Variants in LYPLAL1 observed in about 807,000 individuals in gnomAD.
LYPLAL1 encodes lysophospholipase like 1, also known as lysophospholipase-like protein 1.
Under a neutral mutation model 19.7 loss-of-function variants are expected in LYPLAL1, and 23 were observed. That is an observed-to-expected ratio of 1.17 (90% CI 0.84 to 1.65). LYPLAL1 has a LOEUF of 1.65. LYPLAL1 is among the 40% of genes most tolerant of loss of function. The pLI is 0.00. For synonymous variants in LYPLAL1, 119 were observed against 96.3 expected, an observed-to-expected ratio of 1.24 and a Z score of -1.38; for missense variants, 355 against 279.4, an observed-to-expected ratio of 1.27 and a Z score of -1.93.
chr1:219,223,170 G>A, the LYPLAL1 span: 10 of 151,718 alleles, frequency 6.6e-5, no homozygotes, highest in African/African-American at 2.2e-4. Flanking sequence ...AGGCTGAGGT[G>A]GACCAAGCTT....
chr1:219,355,196 G>A, the LYPLAL1 span, among the ~76,000 whole-genome samples: 9 of 152,138 alleles, frequency 5.9e-5, no homozygotes, highest in Non-Finnish European at 1.0e-4. Context: ...TATGGCCTGC[G>A]TAACTAAGGA....
intron 1 of LYPLAL1, among the ~76,000 whole-genome samples, chr1:219,176,481 T>C (rs1322018130): frequency 4.6e-5 from 7 of 152,228 alleles, no homozygotes; most frequent in Non-Finnish European, 1.5e-5. Context: ...TGTCGCTCAA[T>C]GTAATGGACA....
At chr1:219,317,992 C>G in the LYPLAL1 span, among the ~76,000 whole-genome samples, 3 of 152,156 alleles carry the variant, frequency 2.0e-5, no homozygotes, top group Non-Finnish European at 4.4e-5. Flanking sequence ...ACTGATCAGA[C>G]CCCAGGCTCT....
chr1:219,285,542 G>A, the LYPLAL1 span, among the ~76,000 whole-genome samples: 1 of 152,192 alleles, frequency 6.6e-6, no homozygotes, highest in Non-Finnish European at 1.5e-5. Flanking sequence ...GTCACAAAAA[G>A]GAATCGAGTA....
chr1:219,356,070 A>T, the LYPLAL1 span, among the ~76,000 whole-genome samples: 2 of 152,190 alleles, frequency 1.3e-5, no homozygotes, highest in African/African-American at 4.8e-5. Flanking sequence ...CCCCATATGA[A>T]GTTAAAACTG....
At chr1:219,281,807 T>C in the LYPLAL1 span, among the ~76,000 whole-genome samples, 2 of 152,304 alleles carry the variant, frequency 1.3e-5, no homozygotes, top group East Asian at 3.9e-4. Flanking sequence ...GATTTTTTCT[T>C]TTTTTCTGAA....
chr1:219,355,012 G>T, the LYPLAL1 span, among the ~76,000 whole-genome samples: 1 of 152,106 alleles, frequency 6.6e-6, no homozygotes, highest in East Asian at 1.9e-4. Context: ...TTTTCTTAAG[G>T]TTCTTAATTG....
chr1:219,400,298 A>C, the LYPLAL1 span, among the ~76,000 whole-genome samples: 1 of 151,860 alleles, frequency 6.6e-6, no homozygotes, highest in East Asian at 1.9e-4. Flanking sequence ...GCCCTTTCTC[A>C]ATGTAAATTT....
the LYPLAL1 span, among the ~76,000 whole-genome samples, chr1:219,443,911 C>A: frequency 6.6e-6 from 1 of 152,176 alleles, no homozygotes; most frequent in African/African-American, 2.4e-5. Flanking sequence ...TCACCATTCC[C>A]ATTGCAGGGC....
the LYPLAL1 span, among the ~76,000 whole-genome samples, chr1:219,266,462 T>G: frequency 1.3e-5 from 2 of 152,194 alleles, no homozygotes; most frequent in Non-Finnish European, 2.9e-5. Flanking sequence ...TGCCTTCTTC[T>G]GTAATACATC....
chr1:219,387,642 G>A, the LYPLAL1 span, among the ~76,000 whole-genome samples: 1 of 152,184 alleles, frequency 6.6e-6, no homozygotes, highest in Non-Finnish European at 1.5e-5. Flanking sequence ...TACGAAGGTT[G>A]TCTTCAACAC....
chr1:219,369,362 C>T, the LYPLAL1 span, among the ~76,000 whole-genome samples: 1 of 152,264 alleles, frequency 6.6e-6, no homozygotes, highest in Non-Finnish European at 1.5e-5. Context: ...ACCTCCACCT[C>T]CCAGGTTCAA....
the LYPLAL1 span, among the ~76,000 whole-genome samples, chr1:219,267,249 C>T: frequency 1.2e-4 from 18 of 152,112 alleles, no homozygotes; most frequent in African/African-American, 4.3e-4. Context: ...ACTCATTAAT[C>T]CCCCCAGCAA....
the LYPLAL1 span, among the ~76,000 whole-genome samples, chr1:219,323,062 C>A: frequency 1.8e-4 from 28 of 152,288 alleles, no homozygotes; most frequent in African/African-American, 6.5e-4. Context: ...GCAAGCACAA[C>A]TATTTAGCTA....
At chr1:219,425,334 A>G in the LYPLAL1 span, among the ~76,000 whole-genome samples, 1 of 152,180 alleles carries the variant, frequency 6.6e-6, no homozygotes, top group African/African-American at 2.4e-5. Flanking sequence ...TTAGTATCCC[A>G]TGTTACAGAT....
chr1:219,188,777 A>G (rs1656924492), intron 2 of LYPLAL1, among the ~76,000 whole-genome samples: 2 of 151,530 alleles, frequency 1.3e-5, no homozygotes, highest in African/African-American at 4.8e-5. Flanking sequence ...AACCACACAG[A>G]TGTTCTTTGC....
the LYPLAL1 span, among the ~76,000 whole-genome samples, chr1:219,279,486 C>T: frequency 6.6e-6 from 1 of 152,134 alleles, no homozygotes; most frequent in East Asian, 1.9e-4. Context: ...TATCTTTCAG[C>T]ATGAAAGACA....
At chr1:219,356,655 C>T in the LYPLAL1 span, among the ~76,000 whole-genome samples, 8 of 152,250 alleles carry the variant, frequency 5.3e-5, no homozygotes, top group Middle Eastern at 3.4e-3. Context: ...AAAATCCAGC[C>T]TCACAAAGAT....
chr1:219,389,563 T>C, the LYPLAL1 span, among the ~76,000 whole-genome samples: 1 of 152,220 alleles, frequency 6.6e-6, no homozygotes, highest in East Asian at 1.9e-4. Context: ...TCAGAGATTT[T>C]CCTGGGCTGG....
Sources: gnomAD v4.1 joint callset for allele counts (sites outside exome capture counted in the v4.1 genomes callset) on GRCh38, gnomAD v4.1.1 for gene constraint, MANE v1.5 for transcripts, NCBI Gene and HGNC (gene_info 2026-07-23, HGNC 2026-07-21) for gene names.